Variants in TSLP observed in about 807,000 individuals in gnomAD.
TSLP encodes thymic stroma-derived lymphopoietin.
A neutral mutation model predicts 12.4 loss-of-function variants in TSLP; 12 were observed. The observed-to-expected ratio is 0.97, with a 90% confidence interval of 0.62 to 1.57. The LOEUF (loss-of-function observed/expected upper bound fraction) is 1.57, where lower values mean the gene tolerates loss of function less well. TSLP is among the 40% of genes most tolerant of loss of function. TSLP has a pLI of 0.00. For synonymous variants in TSLP, 97 were observed against 69.5 expected (o/e 1.40, Z -1.97); for missense variants, 222 against 189.6 (o/e 1.17, Z -1.00).
rs924746683 is a variant in TSLP at position 111,076,210 on chromosome 5, C to A, written c.*136C>A. ...AATTACAGAAGAGTTTCTTAACTTA[C>A]TTTTGTAAGTTTTTATTGTGTAAGT... On this transcript the variant is annotated 3_prime_UTR_variant, in exon 4 of 4. Coordinates refer to ENST00000344895, the MANE Select transcript of TSLP (RefSeq NM_033035.5). 1 of 1,070,786 alleles carries A rather than the reference C, an allele frequency of 9.3e-7. No individual in the cohort carries two copies. The highest frequency in any genetic ancestry group is 1.6e-5 in the African/African-American group (1 of 62,236). 66.3% of individuals were successfully genotyped at this position (1,070,786 alleles called of 1,614,324 possible).
upstream of TSLP, chr5:111,071,262 A>T (rs1752331135): frequency 1.9e-6 from 1 of 522,464 alleles, no homozygotes; most frequent in Admixed American, 3.7e-5. Flanking sequence ...ATAAGCAAGC[A>T]CAGTTTCTTA....
chr5:111,075,898 T>A (rs575772001), intron 3 of TSLP, 48 bp from the exon 4 acceptor site: 1 of 1,597,518 alleles, frequency 6.3e-7, no homozygotes, highest in African/African-American at 1.4e-5. Flanking sequence ...CAACAGTTAC[T>A]AAAGATAGTG....
intron 3 of TSLP, 76 bp downstream of exon 3, chr5:111,073,721 C>A: frequency 1.4e-6 from 2 of 1,470,866 alleles, no homozygotes; most frequent in South Asian, 1.2e-5. Flanking sequence ...GTGCAGAAGT[C>A]GTTCTCTTAT....
intron 2 of TSLP, 37 bp downstream of exon 2, chr5:111,072,969 G>A: frequency 6.2e-7 from 1 of 1,610,424 alleles, no homozygotes. Flanking sequence ...CTTTCTCCAG[G>A]GAGACGCCAG....
At chr5:111,071,666 C>G (rs1021878804), upstream of TSLP, 15 of 1,364,468 alleles carry the variant, frequency 1.1e-5, no homozygotes, top group Non-Finnish European at 1.5e-5. Flanking sequence ...AGAAAAGAGC[C>G]CGTAGGCGTT....
chr5:111,076,268 G>T lies in TSLP; in HGVS notation c.*194G>T. Reference sequence around the variant, plus strand: ...GCAGGGGAAGTACTACTCCTCAAATGTTGAGGGAAGCTTCCATAACATTGA... The same window carrying T: ...GCAGGGGAAGTACTACTCCTCAAATTTTGAGGGAAGCTTCCATAACATTGA... On this transcript the variant is annotated 3_prime_UTR_variant, in exon 4 of 4. Transcript: ENST00000344895. The T allele has an allele frequency of 1.7e-6, 1 of 598,134 alleles. No individual in the cohort carries two copies. Among genetic ancestry groups the T allele is most frequent in the Non-Finnish European group, 2.8e-6 (1 of 353,394 alleles). 37.1% of individuals were successfully genotyped at this position (598,134 alleles called of 1,614,324 possible).
At chr5:111,075,559 A>G (rs1752477773) in intron 3 of TSLP, among the ~76,000 whole-genome samples, 1 of 152,236 alleles carries the variant, frequency 6.6e-6, no homozygotes, top group Non-Finnish European at 1.5e-5. Context: ...TAATCACTCA[A>G]CAAATATTCA....
At chr5:111,071,475 T>G, upstream of TSLP, 1 of 1,545,548 alleles carries the variant, frequency 6.5e-7, no homozygotes, top group Non-Finnish European at 8.7e-7. Context: ...TTAAAGGACA[T>G]TCACACTTAT....
At chr5:111,071,127 T>TC (rs1752328744), upstream of TSLP, 1 of 251,912 alleles carries the variant, frequency 4.0e-6, no homozygotes, top group Non-Finnish European at 7.5e-6. Context: ...ATCAGATCTT[T>TC]CCCCACTTAT....
upstream of TSLP, chr5:111,071,586 T>C (rs1752339083): frequency 1.3e-6 from 2 of 1,490,864 alleles, no homozygotes; most frequent in East Asian, 4.9e-5. Context: ...TTTTTTTTTT[T>C]CCTTTCACAT....
At chr5:111,072,120 A>C in intron 1 of TSLP, 59 bp downstream of exon 1, 7 of 1,398,958 alleles carry the variant, frequency 5.0e-6, no homozygotes, top group Non-Finnish European at 6.9e-6. Flanking sequence ...CGGCATACAC[A>C]CACTCTACAA....
In TSLP at chr5:111,071,806, G is replaced by A. The variant is rs1752342935; in HGVS notation, c.-85G>A. ...GGCAAAACCTGGTGCTTGAGCACTGGCCCCTAAGGCAGGCCTTACAGATCT... is the reference window on the plus strand; with the variant it reads ...GGCAAAACCTGGTGCTTGAGCACTGACCCCTAAGGCAGGCCTTACAGATCT... On this transcript the variant is annotated 5_prime_UTR_variant, in exon 1 of 4. Coordinates refer to ENST00000344895, the MANE Select transcript of TSLP (RefSeq NM_033035.5). 1.3e-6 allele frequency: 2 copies of A among 1,495,464 alleles called. No homozygotes were observed. The highest frequency in any genetic ancestry group is 1.4e-5 in the African/African-American group (1 of 71,798). The allele number at this position is 1,495,464 out of a possible 1,614,324, so 92.6% of individuals were successfully genotyped here.
chr5:111,072,925 G>A lies in TSLP; in HGVS notation c.209G>A (p.Ser70Asn). 2 of 1,614,198 alleles carry A rather than the reference G, an allele frequency of 1.2e-6. No individual in the cohort carries two copies. The highest frequency in any genetic ancestry group is 1.7e-6 in the Non-Finnish European group (2 of 1,180,028). The change falls in exon 2 of 4, where the codon AGC becomes AAC. Residue 70 changes from serine to asparagine, a missense_variant. Transcript: ENST00000344895. Reference protein sequence around the residue: ...STEFNNTVSCSNRPHCLTEIQ... With the variant: ...STEFNNTVSCNNRPHCLTEIQ... ...GAGTTCAACAACACCGTCTCTTGTA[G>A]CAATCGGGTGAGTAGAGAGTTCAGT...
intron 3 of TSLP, among the ~76,000 whole-genome samples, chr5:111,074,378 A>G (rs1194592326): frequency 6.6e-6 from 1 of 152,196 alleles, no homozygotes; most frequent in African/African-American, 2.4e-5. Context: ...TAAAGTAAGT[A>G]TCATATCAGT....
Position 111,076,147 on chromosome 5 carries a change from C to G in TSLP, c.*73C>G, listed in dbSNP as rs1374440712. The stretch of plus-strand genomic sequence containing the variant: ...TTATTAAGTAGATGAAACATTAACT[C>G]TAACTGTGACAAAGAAGACCACAAA... On this transcript the variant is annotated 3_prime_UTR_variant, in exon 4 of 4. Coordinates refer to ENST00000344895, the MANE Select transcript of TSLP (RefSeq NM_033035.5). 9 of 1,510,930 alleles carry G rather than the reference C, an allele frequency of 6.0e-6. No homozygotes were observed. Among genetic ancestry groups the G allele is most frequent in the Non-Finnish European group, 8.2e-6 (9 of 1,102,570 alleles). 93.6% of individuals were successfully genotyped at this position (1,510,930 alleles called of 1,614,324 possible).
chr5:111,070,614 G>A (rs1752318921), upstream of TSLP: 1 of 152,324 alleles, frequency 6.6e-6, no homozygotes, highest in African/African-American at 2.4e-5. Flanking sequence ...CTGCTAGACA[G>A]ACATCCTCTA....
intron 1 of TSLP, among the ~76,000 whole-genome samples, chr5:111,072,417 T>G (rs1752365144): frequency 6.6e-6 from 1 of 152,212 alleles, no homozygotes; most frequent in Non-Finnish European, 1.5e-5. Flanking sequence ...AGATAAACTC[T>G]AAGGATTGAT....
rs1752503532 is a variant in TSLP, at chr5:111,076,249, G to T, written c.*175G>T. ...TATTGTGTAAGTTTATAATGCAGGG[G>T]AAGTACTACTCCTCAAATGTTGAGG... On this transcript the variant is annotated 3_prime_UTR_variant, in exon 4 of 4. Transcript: ENST00000344895. 1 of 692,160 alleles carries T rather than the reference G, an allele frequency of 1.4e-6. No individual in the cohort carries two copies. Among genetic ancestry groups the T allele is most frequent in the Non-Finnish European group, 2.4e-6 (1 of 420,352 alleles). 42.9% of individuals were successfully genotyped at this position (692,160 alleles called of 1,614,324 possible).
At position 111,076,362 on chromosome 5, in the gene TSLP, G is replaced by A; in HGVS notation, c.*288G>A. 1 of 309,730 alleles carries A rather than the reference G, an allele frequency of 3.2e-6. No individual in the cohort carries two copies. Among genetic ancestry groups the A allele is most frequent in the Non-Finnish European group, 5.9e-6 (1 of 169,228 alleles). The allele number at this position is 309,730 out of a possible 1,614,324, so 19.2% of individuals were successfully genotyped here. A position where few individuals can be genotyped will look rare whatever the true frequency, so the allele number is the denominator to read the frequency against. Reference sequence around the variant, plus strand: ...CATTGCTCAAGAGGAAAATCCAAAAGTGCAGCAGGAGAACTCTTTTCCCTG... The same window carrying A: ...CATTGCTCAAGAGGAAAATCCAAAAATGCAGCAGGAGAACTCTTTTCCCTG... On this transcript the variant is annotated 3_prime_UTR_variant, in exon 4 of 4. Transcript: ENST00000344895.
Sources: gnomAD v4.1 joint callset for allele counts (sites outside exome capture counted in the v4.1 genomes callset) on GRCh38, gnomAD v4.1.1 for gene constraint, MANE v1.5 for transcripts, NCBI Gene and HGNC (gene_info 2026-07-23, HGNC 2026-07-21) for gene names.